INO80: variants seen among roughly 807,000 people sequenced by gnomAD.
INO80 encodes the protein chromatin-remodeling ATPase INO80.
Under a neutral mutation model 203.4 loss-of-function variants are expected in INO80, and 20 were observed. The ratio of observed to expected loss-of-function variants is 0.10; its 90% CI spans 0.07 to 0.14. INO80 has a LOEUF of 0.14. Among genes scored for constraint, INO80 ranks in the 10% least tolerant of loss-of-function variants. The probability of loss-of-function intolerance (pLI) is 1.00; values close to 1 mark genes in which losing one functional copy is unlikely to be tolerated. For missense variants in INO80, 1,419 were observed against 1,914.4 expected, an observed-to-expected ratio of 0.74 and a Z score of 4.83; for synonymous variants, 726 against 685.2, an observed-to-expected ratio of 1.06 and a Z score of -0.93.
intron 14 of INO80, among the ~76,000 whole-genome samples, chr15:41,066,846 C>G (rs143690197): frequency 5.7e-5 from 4 of 70,622 alleles, no homozygotes; most frequent in African/African-American, 1.7e-4. Flanking sequence ...AAAAAAAAAG[C>G]AAAAAAAAAA....
rs531869610 is a variant in INO80, at chr15:40,992,777, ATCAGAGTAT to A, written c.3570+4743_3570+4751del. Among the ~76,000 whole-genome samples the A allele has an allele frequency of 2.7e-3, 406 of 152,330 alleles. 3 individuals are homozygous for A. The highest frequency in any genetic ancestry group is 0.013 in the South Asian group (61 of 4,826). ...ATGTAAATTACTTCAGAATTCAGAA[ATCAGAGTAT>A]TCAGAGCCTTTCTCTTTTTTTCTTG... On this transcript the variant is annotated intron_variant, in intron 29 of 35. Transcript: ENST00000648947.
rs1566898175 is a variant in INO80 at position 40,983,935 on chromosome 15, G to A, written c.4078-14C>T. The A allele has an allele frequency of 6.2e-7, 1 of 1,612,200 alleles. No individual in the cohort carries two copies. Among genetic ancestry groups the A allele is most frequent in the Non-Finnish European group, 8.5e-7 (1 of 1,179,060 alleles). ...GCTGATGGAGATCTAGAAGAGGAAG[G>A]GTTAAGATCATTACGACCCCCTGTG... On this transcript the variant is annotated splice_polypyrimidine_tract_variant and intron_variant, in intron 33 of 35. Coordinates refer to ENST00000648947, the MANE Select transcript of INO80 (RefSeq NM_017553.3).
At chr15:41,115,503 G>C (rs2046019992) in intron 1 of INO80, among the ~76,000 whole-genome samples, 1 of 152,132 alleles carries the variant, frequency 6.6e-6, no homozygotes, top group African/African-American at 2.4e-5. Context: ...ATCTCAACTT[G>C]CCCCTTACAA....
intron 9 of INO80, 66 bp downstream of exon 9, chr15:41,079,635 T>C: frequency 3.5e-6 from 5 of 1,412,998 alleles, no homozygotes; most frequent in Non-Finnish European, 5.0e-6. Context: ...ATTTTCAAAA[T>C]GCAAACGAAT....
chr15:41,029,023 G>A (rs1464025182), intron 24 of INO80, among the ~76,000 whole-genome samples: 1 of 152,114 alleles, frequency 6.6e-6, no homozygotes, highest in African/African-American at 2.4e-5. Flanking sequence ...TATGTTATTC[G>A]TTTTATCTTT....
intron 24 of INO80, among the ~76,000 whole-genome samples, chr15:41,031,385 TGAAA>T (rs552388235): frequency 1.2e-4 from 15 of 129,234 alleles, no homozygotes; most frequent in African/African-American, 3.0e-4. Context: ...AACTTGGTCA[TGAAA>T]GAAAGAAAGA....
At chr15:41,020,739 T>A (rs1204237563) in intron 26 of INO80, among the ~76,000 whole-genome samples, 161 bp downstream of exon 26, 1 of 152,050 alleles carries the variant, frequency 6.6e-6, no homozygotes, top group Admixed American at 6.6e-5. Context: ...CCACTCATCA[T>A]AAATTACTAA....
At position 41,085,448 on chromosome 15, in the gene INO80, T is replaced by A; in HGVS notation, c.794A>T (p.Lys265Ile). ...SHDAPPPGTK[K>I]KHLSIEQLNA... The stretch of plus-strand genomic sequence containing the variant: ...CAGCTGCTCAATGGATAAGTGCTTT[T>A]TCTTAGTGCCAGGGGGAGGTGCATC... Residue 265 changes from lysine to isoleucine, a missense_variant, in exon 7 of 36, where the codon AAA becomes ATA. This residue lies in a region of INO80 where 323 missense variants were observed against 325.4 expected (regional missense o/e 0.99). Transcript: ENST00000648947. 3.1e-6 allele frequency: 5 copies of A among 1,614,214 alleles called. No homozygotes were observed. Among genetic ancestry groups the A allele is most frequent in the South Asian group, 1.1e-5 (1 of 91,086 alleles).
At chr15:41,046,210 T>C (rs573656655) in intron 23 of INO80, among the ~76,000 whole-genome samples, 351 of 3,244 alleles carry the variant, frequency 0.11, 1 homozygote, top group African/African-American at 0.23. Context: ...TACATACATA[T>C]ATATATATAT....
At position 41,057,778 on chromosome 15, in the gene INO80, C is replaced by T. The variant is rs1596299400; in HGVS notation, c.1985+861G>A. 5.5e-5 allele frequency among the ~76,000 whole-genome samples: 3 copies of T among 54,346 alleles called. 1 individual carries two copies. The South Asian group carries it at 1.7e-3, about 32-fold the overall frequency. The allele number at this position is 54,346 out of a possible 152,430, so 35.7% of individuals were successfully genotyped here. A position where few individuals can be genotyped will look rare whatever the true frequency, so the allele number is the denominator to read the frequency against. On this transcript the variant is annotated intron_variant, in intron 16 of 35. Coordinates refer to ENST00000648947, the MANE Select transcript of INO80 (RefSeq NM_017553.3). ...CGCCACTGCACACCAGCCTGGGCAA[C>T]AAGAGTGAAACTACATCTCAAAAAA...
At chr15:40,996,045 G>C (rs901821292) in intron 29 of INO80, among the ~76,000 whole-genome samples, 3 of 151,930 alleles carry the variant, frequency 2.0e-5, no homozygotes, top group Non-Finnish European at 4.4e-5. Flanking sequence ...GTGAGAGAGA[G>C]AGAGAGAGAG....
chr15:40,980,537 A>T, intron 35 of INO80, 97 bp from the exon 36 acceptor site: 1 of 865,890 alleles, frequency 1.2e-6, no homozygotes, highest in Non-Finnish European at 1.9e-6. Flanking sequence ...GCTGGAGGAG[A>T]AGTGGTGGGC....
intron 31 of INO80, among the ~76,000 whole-genome samples, chr15:40,986,316 CTTTTTTTTTT>C (rs551165963): frequency 5.5e-5 from 5 of 90,674 alleles, no homozygotes; most frequent in Admixed American, 1.6e-4. Context: ...CTCCACAATG[CTTTTTTTTTT>C]TTTTTTTTTT....
Position 41,090,491 on chromosome 15 carries a change from G to A in INO80, c.537+1536C>T, listed in dbSNP as rs553742841. On this transcript the variant is annotated intron_variant, in intron 5 of 35. Coordinates refer to ENST00000648947, the MANE Select transcript of INO80 (RefSeq NM_017553.3). ...ACTCAGCAGGCTGAGCAGGAGAATC[G>A]CTTGACCCTGGGAAGCAGAGGCTGC... Among the ~76,000 whole-genome samples, 410 of 152,232 alleles carry A rather than the reference G, an allele frequency of 2.7e-3. 3 individuals are homozygous for A. The highest frequency in any genetic ancestry group is 0.013 in the South Asian group (62 of 4,826).
At chr15:41,012,556 CTT>C (rs1566910473) in intron 27 of INO80, among the ~76,000 whole-genome samples, 2 of 1,826 alleles carry the variant, frequency 1.1e-3, no homozygotes, top group Non-Finnish European at 3.6e-3. Context: ...GAGCGAGACT[CTT>C]TTTAAAAAAA....
intron 19 of INO80, 76 bp downstream of exon 19, chr15:41,053,853 A>G (rs948142106): frequency 6.0e-5 from 65 of 1,092,288 alleles, no homozygotes; most frequent in Admixed American, 8.1e-5. Context: ...CTAAACATAT[A>G]TCAATAAATT....
intron 12 of INO80, 35 bp from the exon 13 acceptor site, chr15:41,070,582 C>A (rs756027970): frequency 4.3e-5 from 65 of 1,509,684 alleles, no homozygotes; most frequent in Non-Finnish European, 5.6e-5. Flanking sequence ...ACACCTCATG[C>A]ATTTCATCAA....
intron 24 of INO80, among the ~76,000 whole-genome samples, chr15:41,037,382 T>C (rs1364092158): frequency 6.6e-6 from 1 of 151,426 alleles, no homozygotes; most frequent in East Asian, 2.0e-4. Flanking sequence ...TTGGCACATG[T>C]CTGCAGTCCT....
rs578062599 is a variant in INO80 at position 40,989,373 on chromosome 15, T to C, written c.3571-1399A>G. Among the ~76,000 whole-genome samples, 17 of 152,334 alleles carry C rather than the reference T, an allele frequency of 1.1e-4. No homozygotes were observed. In the South Asian group the frequency reaches 2.9e-3, roughly 26 times the overall value. On this transcript the variant is annotated intron_variant, in intron 29 of 35. Transcript: ENST00000648947. ...TATATCACCACTAAGTGAGTGATCC[T>C]AAAACAAACTCCTCAGTCCTCAACC...
Sources: gnomAD v4.1 joint callset for allele counts (sites outside exome capture counted in the v4.1 genomes callset) on GRCh38, gnomAD v4.1.1 for gene constraint, gnomAD v4.1.1 regional missense constraint, MANE v1.5 for transcripts, NCBI Gene and HGNC (gene_info 2026-07-23, HGNC 2026-07-21) for gene names.